ARHGEF37: variants seen among roughly 807,000 people sequenced by gnomAD.
ARHGEF37 encodes the protein Rho guanine nucleotide exchange factor 37, also known as Rho guanine nucleotide exchange factor (GEF) 37.
ARHGEF37 carries 55 observed loss-of-function variants against 71.1 expected under a neutral mutation model. The observed-to-expected ratio is 0.77, with a 90% confidence interval of 0.62 to 0.97. ARHGEF37 has a LOEUF of 0.97. ARHGEF37 is among the 50% of genes least tolerant of loss of function. The pLI, the probability that ARHGEF37 is intolerant of heterozygous loss-of-function variation, is 0.00. For synonymous variants in ARHGEF37, 327 were observed against 350.6 expected, an observed-to-expected ratio of 0.93 and a Z score of 0.75; for missense variants, 765 against 836.8, an observed-to-expected ratio of 0.91 and a Z score of 1.06.
intron 1 of ARHGEF37, among the ~76,000 whole-genome samples, chr5:149,553,676 A>G (rs975691961): frequency 5.9e-5 from 9 of 152,230 alleles, no homozygotes; most frequent in Non-Finnish European, 1.3e-4. Context: ...AGATCTGTGT[A>G]TGGACAGGTG....
At chr5:149,598,493 C>CCT (rs1763641741) in intron 2 of ARHGEF37, among the ~76,000 whole-genome samples, 1 of 150,212 alleles carries the variant, frequency 6.7e-6, no homozygotes, top group Admixed American at 6.7e-5. Flanking sequence ...TCTTCTTCCT[C>CCT]CTCTTCTTCT....
intron 1 of ARHGEF37, among the ~76,000 whole-genome samples, chr5:149,574,359 G>A (rs1248041362): frequency 6.6e-6 from 1 of 152,198 alleles, no homozygotes; most frequent in Non-Finnish European, 1.5e-5. Flanking sequence ...ATTTTATCTG[G>A]TGGTATGGGA....
intron 4 of ARHGEF37, among the ~76,000 whole-genome samples, chr5:149,612,021 C>T (rs1372794672): frequency 1.3e-5 from 2 of 151,238 alleles, no homozygotes; most frequent in Non-Finnish European, 2.9e-5. Context: ...TATAAGGAAG[C>T]CATCAGATGC....
At position 149,632,456 on chromosome 5, in the gene ARHGEF37, C is replaced by G; in HGVS notation, c.*265C>G. 1 of 477,038 alleles carries G rather than the reference C, an allele frequency of 2.1e-6. No homozygotes were observed. Among genetic ancestry groups the G allele is most frequent in the South Asian group, 2.4e-5 (1 of 40,852 alleles). The allele number at this position is 477,038 out of a possible 1,614,324, so 29.6% of individuals were successfully genotyped here. On this transcript the variant is annotated 3_prime_UTR_variant, in exon 13 of 13. Coordinates refer to ENST00000333677, the MANE Select transcript of ARHGEF37 (RefSeq NM_001001669.3). ...GACCTGGGGTCACAATGCACTTGGACAGCAGGTCACAGCTGATTGGCCAGG... is the reference window on the plus strand; with the variant it reads ...GACCTGGGGTCACAATGCACTTGGAGAGCAGGTCACAGCTGATTGGCCAGG...
At chr5:149,622,179 A>T in intron 9 of ARHGEF37, 117 bp downstream of exon 9, 1 of 1,022,132 alleles carries the variant, frequency 9.8e-7, no homozygotes, top group Non-Finnish European at 1.4e-6. Flanking sequence ...AAAACAGGTC[A>T]TCAGGCCCTT....
intron 10 of ARHGEF37, among the ~76,000 whole-genome samples, chr5:149,626,548 C>T (rs1296655122): frequency 6.6e-6 from 1 of 152,166 alleles, no homozygotes; most frequent in African/African-American, 2.4e-5. Flanking sequence ...CAAAGTTTTC[C>T]ACAGTGCCCT....
chr5:149,591,627 G>A (rs1383561804), intron 1 of ARHGEF37, among the ~76,000 whole-genome samples: 5 of 152,282 alleles, frequency 3.3e-5, no homozygotes, highest in Middle Eastern at 3.4e-3. Flanking sequence ...GACAGTCGCC[G>A]ACTTATGATG....
intron 1 of ARHGEF37, among the ~76,000 whole-genome samples, chr5:149,563,412 C>G (rs1440078942): frequency 6.6e-6 from 1 of 152,192 alleles, no homozygotes; most frequent in Non-Finnish European, 1.5e-5. Flanking sequence ...TTCTAGCCCC[C>G]TCTAACCTAT....
At chr5:149,565,016 CT>C (rs1762882584) in intron 1 of ARHGEF37, among the ~76,000 whole-genome samples, 1 of 152,188 alleles carries the variant, frequency 6.6e-6, no homozygotes, top group Non-Finnish European at 1.5e-5. Context: ...AAAGCTGAAT[CT>C]GGACAGTCAG....
rs760408305 is a variant in ARHGEF37, at chr5:149,618,227, G to T, written c.710G>T (p.Arg237Leu). 6.2e-7 allele frequency: 1 copy of T among 1,614,040 alleles called. No homozygotes were observed. Among genetic ancestry groups the T allele is most frequent in the African/African-American group, 1.3e-5 (1 of 74,914 alleles). The change falls in exon 6 of 13, where the codon CGC becomes CTC. Residue 237 changes from arginine to leucine, a missense_variant. Transcript: ENST00000333677. ...EQLTLRERLARINTHTLSKKT... is the reference protein window; with the variant it reads ...EQLTLRERLALINTHTLSKKT... ...CTGACCCTCCGGGAGCGGCTGGCCC[G>T]CATCAACACACACACCCTCTCCAAG...
At chr5:149,572,707 G>A (rs1473780217) in intron 1 of ARHGEF37, among the ~76,000 whole-genome samples, 1 of 152,154 alleles carries the variant, frequency 6.6e-6, no homozygotes, top group Non-Finnish European at 1.5e-5. Flanking sequence ...TCCATAATGT[G>A]GGTAGGCCTT....
chr5:149,588,767 TTAAAAA>T (rs1763312736), intron 1 of ARHGEF37, among the ~76,000 whole-genome samples: 1 of 152,114 alleles, frequency 6.6e-6, no homozygotes, highest in Non-Finnish European at 1.5e-5. Flanking sequence ...AGAAAAAAAA[TTAAAAA>T]TAAATAAATA....
rs199944129 is a variant in ARHGEF37 at position 149,572,927 on chromosome 5, T to TA, written c.-12+20813dup. Reference sequence around the variant, plus strand: ...ATACCTAAGACTAGGTAATTTATTTTAAAAAAAAATTTATTTAGCTCACAA... The same window carrying TA: ...ATACCTAAGACTAGGTAATTTATTTTAAAAAAAAAATTTATTTAGCTCACAA... On this transcript the variant is annotated intron_variant, in intron 1 of 2. Coordinates refer to the ARHGEF37 transcript ENST00000505810. Among the ~76,000 whole-genome samples the TA allele has an allele frequency of 8.9e-3, 1,360 of 151,970 alleles. 7 individuals carry two copies. Among genetic ancestry groups the TA allele is most frequent in the Non-Finnish European group, 0.015 (997 of 67,948 alleles).
chr5:149,627,351 T>C (rs1205591527), intron 11 of ARHGEF37, 80 bp downstream of exon 11: 2 of 1,493,026 alleles, frequency 1.3e-6, no homozygotes, highest in African/African-American at 2.8e-5. Flanking sequence ...CCGGGCACTC[T>C]TGTGGGTCAA....
chr5:149,622,305 G>A (rs1221153333), intron 9 of ARHGEF37, among the ~76,000 whole-genome samples: 1 of 152,204 alleles, frequency 6.6e-6, no homozygotes, highest in African/African-American at 2.4e-5. Context: ...CCCAAGTCCT[G>A]CAACTCAGAA....
chr5:149,625,666 G>A lies in ARHGEF37; in HGVS notation c.1465-1410G>A, dbSNP rs1037876898. On this transcript the variant is annotated intron_variant, in intron 10 of 12. Transcript: ENST00000333677. Reference sequence around the variant, plus strand: ...AGACCTCACCGACTAGGGGTGTGCCGTGGGCCCCGAGACTCGGGGAGAGAG... The same window carrying A: ...AGACCTCACCGACTAGGGGTGTGCCATGGGCCCCGAGACTCGGGGAGAGAG... Among the ~76,000 whole-genome samples the A allele has an allele frequency of 4.6e-5, 7 of 152,318 alleles. No individual in the cohort carries two copies. In the East Asian group the frequency reaches 5.8e-4, roughly 13 times the overall value.
At chr5:149,578,049 G>A (rs554257389), upstream of ARHGEF37, among the ~76,000 whole-genome samples, 2 of 152,382 alleles carry the variant, frequency 1.3e-5, no homozygotes, top group East Asian at 3.9e-4. Context: ...GGCATTGCCA[G>A]TGTCCAGCAG....
chr5:149,587,889 T>TTAGTC lies in ARHGEF37; in HGVS notation c.-12+6267_-12+6271dup, dbSNP rs769285687. On this transcript the variant is annotated intron_variant, in intron 1 of 12. Transcript: ENST00000333677. Reference sequence around the variant, plus strand: ...TTGTTTCTGTAGGTCTTCCCTCCCTTTAGTCTTTTTTTTTTTTTTTTTTTG... The same window carrying TTAGTC: ...TTGTTTCTGTAGGTCTTCCCTCCCTTTAGTCTAGTCTTTTTTTTTTTTTTTTTTTG... Among the ~76,000 whole-genome samples, 1,220 of 133,934 alleles carry TTAGTC rather than the reference T, an allele frequency of 9.1e-3. 6 individuals carry two copies. The highest frequency in any genetic ancestry group is 0.013 in the Non-Finnish European group (870 of 65,664). The allele number at this position is 133,934 out of a possible 152,430, so 87.9% of individuals were successfully genotyped here. A position where few individuals can be genotyped will look rare whatever the true frequency, so the allele number is the denominator to read the frequency against.
Position 149,622,030 on chromosome 5 carries a change from G to A in ARHGEF37, c.1303G>A (p.Val435Met), listed in dbSNP as rs767508555. 1.5e-5 allele frequency: 24 copies of A among 1,613,760 alleles called. No individual in the cohort carries two copies. In the South Asian group the frequency reaches 2.3e-4, roughly 16 times the overall value. The change falls in exon 9 of 13, where the codon GTG becomes ATG. Residue 435 changes from valine (V) to methionine (M), a missense_variant. Around this residue, in one of 5 missense-constraint regions of ARHGEF37, gnomAD observed 390 missense variants for 407.4 expected, o/e 0.96. Coordinates refer to ENST00000333677, the MANE Select transcript of ARHGEF37 (RefSeq NM_001001669.3). ...CCTCCAGAGGGACCTTGCAAAGCAAGTGCTGCAGAGGGCAGAGGGAAGCAT... is the reference window on the plus strand; with the variant it reads ...CCTCCAGAGGGACCTTGCAAAGCAAATGCTGCAGAGGGCAGAGGGAAGCAT... Reference protein sequence around the residue: ...VTLQRDLAKQVLQRAEGSMAQ... With the variant: ...VTLQRDLAKQMLQRAEGSMAQ...
Sources: allele counts gnomAD v4.1 joint callset (sites outside exome capture counted in the v4.1 genomes callset), GRCh38; gene constraint gnomAD v4.1.1; regional missense constraint gnomAD v4.1.1; transcripts MANE v1.5; gene names NCBI Gene and HGNC (gene_info 2026-07-23, HGNC 2026-07-21).